The following CPXM2 variants were observed in gnomAD, a reference collection of about 807,000 sequenced individuals.
CPXM2 encodes the protein inactive carboxypeptidase-like protein X2.
Under a neutral mutation model 86.1 loss-of-function variants are expected in CPXM2, and 66 were observed. The ratio of observed to expected loss-of-function variants is 0.77; its 90% confidence interval spans 0.63 to 0.94. The LOEUF is 0.94. Among genes scored for constraint, CPXM2 ranks in the 40% least tolerant of loss-of-function variants. The pLI is 0.00. For synonymous variants in CPXM2, 388 were observed against 400.2 expected (o/e 0.97, Z 0.36); for missense variants, 948 against 1,026.3 (o/e 0.92, Z 1.04).
intron 4 of CPXM2, among the ~76,000 whole-genome samples, chr10:123,814,052 G>A (rs1847753269): frequency 6.6e-6 from 1 of 152,290 alleles, no homozygotes; most frequent in South Asian, 2.1e-4. Context: ...TCTTTTCTGG[G>A]ATTTTGGATT....
chr10:123,761,731 T>C (rs1368012399), intron 11 of CPXM2, 141 bp downstream of exon 11: 2 of 736,896 alleles, frequency 2.7e-6, no homozygotes, highest in African/African-American at 3.6e-5. Context: ...CTTAGGAAAG[T>C]GCTGGCAGGT....
intron 4 of CPXM2, among the ~76,000 whole-genome samples, chr10:123,811,736 T>A (rs1006803581): frequency 6.6e-6 from 1 of 152,028 alleles, no homozygotes; most frequent in Non-Finnish European, 1.5e-5. Context: ...ATTCTGTAAA[T>A]CAATGAGACA....
intron 6 of CPXM2, among the ~76,000 whole-genome samples, chr10:123,788,791 C>T (rs1379595616): frequency 6.6e-6 from 1 of 150,938 alleles, no homozygotes; most frequent in Non-Finnish European, 1.5e-5. Flanking sequence ...AGAGCTGGGG[C>T]TTGCACAGCA....
chr10:123,843,075 G>C (rs987750253), intron 3 of CPXM2, among the ~76,000 whole-genome samples: 6 of 152,040 alleles, frequency 3.9e-5, no homozygotes, highest in African/African-American at 1.4e-4. Context: ...TAGTGTTTAA[G>C]TCATTTGATG....
intron 3 of CPXM2, among the ~76,000 whole-genome samples, chr10:123,859,324 T>A (rs1204371909): frequency 6.6e-6 from 1 of 152,248 alleles, no homozygotes; most frequent in Non-Finnish European, 1.5e-5. Context: ...ACACTGACTT[T>A]AATTATGCAC....
At chr10:123,806,175 G>A (rs1034786538) in intron 4 of CPXM2, among the ~76,000 whole-genome samples, 5 of 151,980 alleles carry the variant, frequency 3.3e-5, no homozygotes, top group East Asian at 3.9e-4. Flanking sequence ...CTGATAGTAC[G>A]CTTTTTCAGT....
intron 3 of CPXM2, among the ~76,000 whole-genome samples, chr10:123,856,536 C>G (rs1032937880): frequency 1.3e-5 from 2 of 152,144 alleles, no homozygotes; most frequent in Non-Finnish European, 2.9e-5. Context: ...GGGTCACTTC[C>G]TAAGACTACC....
chr10:123,808,307 A>C (rs1847621777), intron 4 of CPXM2, among the ~76,000 whole-genome samples: 1 of 152,148 alleles, frequency 6.6e-6, no homozygotes, highest in Non-Finnish European at 1.5e-5. Context: ...AATGCTTAAA[A>C]CCATCAGTGG....
At chr10:123,814,291 A>C (rs1238889191) in intron 4 of CPXM2, among the ~76,000 whole-genome samples, 1 of 152,144 alleles carries the variant, frequency 6.6e-6, no homozygotes, top group Non-Finnish European at 1.5e-5. Context: ...GCTAGAATAT[A>C]AAGCAGGCAG....
intron 1 of CPXM2, among the ~76,000 whole-genome samples, chr10:123,889,910 C>G (rs980915283): frequency 6.6e-6 from 1 of 152,002 alleles, no homozygotes; most frequent in Admixed American, 6.5e-5. Context: ...GAGCTAAGCA[C>G]ATTGCAGGCA....
intron 2 of CPXM2, among the ~76,000 whole-genome samples, chr10:123,864,231 G>A (rs1188025755): frequency 3.3e-5 from 5 of 151,910 alleles, no homozygotes; most frequent in South Asian, 2.1e-4. Flanking sequence ...GAGAGATCCC[G>A]CCCACCGAGA....
chr10:123,754,592 T>C lies in CPXM2; in HGVS notation c.2017+71A>G, dbSNP rs192386273. On this transcript the variant is annotated intron_variant, in intron 13 of 13. Transcript: ENST00000241305. The surrounding 1 kb of genome is among the most constrained non-coding windows in gnomAD (Gnocchi z 4.0). ...ATTTCTGGCAGTCATTTCATGATTGTAACCCAAGTAAAATGCCTAAAAAAA... is the reference window on the plus strand; with the variant it reads ...ATTTCTGGCAGTCATTTCATGATTGCAACCCAAGTAAAATGCCTAAAAAAA... 4.8e-6 allele frequency: 4 copies of C among 830,046 alleles called. No homozygotes were observed. The African/African-American group carries it at 5.0e-5, about 10-fold the overall frequency. 51.4% of individuals were successfully genotyped at this position (830,046 alleles called of 1,614,324 possible).
intron 4 of CPXM2, among the ~76,000 whole-genome samples, chr10:123,806,328 C>A (rs2134083316): frequency 6.6e-6 from 1 of 152,174 alleles, no homozygotes; most frequent in African/African-American, 2.4e-5. Flanking sequence ...TCTGTATAAA[C>A]ACACACATGT....
intron 6 of CPXM2, among the ~76,000 whole-genome samples, chr10:123,781,421 C>T (rs914731369): frequency 1.8e-4 from 27 of 152,202 alleles, no homozygotes; most frequent in Non-Finnish European, 3.4e-4. Flanking sequence ...AGAGACCACT[C>T]CATCTGCCTC....
rs373241036 is a variant in CPXM2, at chr10:123,780,209, A to G, written c.936T>C (p.Asp312=). Residue 312 remains aspartate, a synonymous_variant, in exon 7 of 14, where the codon GAT becomes GAC. Transcript: ENST00000241305. ...YHRRNEMTTT[D]DLDFKHHNYK... is the part of the protein sequence containing the mutation. ...AATTGTGGTGCTTAAAATCCAGGTC[A>G]TCAGTGGTGGTCATCTCGTTCCGGC... The G allele has an allele frequency of 1.3e-5, 21 of 1,612,020 alleles. No individual in the cohort carries two copies. The Middle Eastern group carries it at 1.5e-3, about 114-fold the overall frequency.
Position 123,891,458 on chromosome 10 carries a change from C to A in CPXM2, c.202G>T (p.Glu68Ter). Residue 68 changes from glutamate (E) to a stop codon, truncating the protein, a stop_gained, in exon 1 of 14, where the codon GAG (glutamate) becomes TAG (stop). Coordinates refer to ENST00000241305, the MANE Select transcript of CPXM2 (RefSeq NM_198148.3). LOFTEE classifies it high-confidence loss of function. The surrounding 1 kb of genome is among the most constrained non-coding windows in gnomAD (Gnocchi z 5.6). Reference sequence around the variant, plus strand: ...GGCTCCTGCGGGCGCCGCTCCCACTCCTCCCCGGGCCCCGCAGGCAGCGGC... The same window carrying A: ...GGCTCCTGCGGGCGCCGCTCCCACTACTCCCCGGGCCCCGCAGGCAGCGGC... ...SPPLPAGPGE[E>*]WERRPQEPRP... 1 of 1,549,904 alleles carries A rather than the reference C, an allele frequency of 6.5e-7. No individual in the cohort carries two copies. The highest frequency in any genetic ancestry group is 8.7e-7 in the Non-Finnish European group (1 of 1,146,486).
At chr10:123,830,884 G>C (rs200523940) in intron 4 of CPXM2, among the ~76,000 whole-genome samples, 19,317 of 151,194 alleles carry the variant, frequency 0.13, 1,355 homozygotes, top group East Asian at 0.33. Context: ...GTGTGTGTGT[G>C]TGTGTGTGTG....
In CPXM2 at chr10:123,877,953, C is replaced by T. The variant is rs114994601; in HGVS notation, c.403+2258G>A. Among the ~76,000 whole-genome samples the T allele has an allele frequency of 5.3e-3, 806 of 152,272 alleles. 6 individuals carry two copies. The highest frequency in any genetic ancestry group is 0.018 in the African/African-American group (761 of 41,552). Reference sequence around the variant, plus strand: ...AGTTAACATCGCCTGTACTGCCCCCCGCCTTGCAAATGAAGTGGCTGACAT... The same window carrying T: ...AGTTAACATCGCCTGTACTGCCCCCTGCCTTGCAAATGAAGTGGCTGACAT... On this transcript the variant is annotated intron_variant, in intron 2 of 13. Transcript: ENST00000241305.
At chr10:123,830,457 G>A (rs773866204) in intron 4 of CPXM2, among the ~76,000 whole-genome samples, 12 of 152,180 alleles carry the variant, frequency 7.9e-5, no homozygotes, top group Non-Finnish European at 1.0e-4. Context: ...TAAAAGGAGC[G>A]CTAGTAGTCC....
Sources: gnomAD v4.1 joint callset for allele counts (sites outside exome capture counted in the v4.1 genomes callset) on GRCh38, gnomAD v4.1.1 for gene constraint, Gnocchi (gnomAD v3.1) non-coding constraint, MANE v1.5 for transcripts, NCBI Gene and HGNC (gene_info 2026-07-23, HGNC 2026-07-21) for gene names.